The following WASF1 variants were observed in gnomAD, a reference collection of about 807,000 sequenced individuals.
WASF1 encodes actin-binding protein WASF1.
Under a neutral mutation model 50.5 loss-of-function variants are expected in WASF1, and 7 were observed. The ratio of observed to expected loss-of-function variants is 0.14; its 90% confidence interval spans 0.08 to 0.26. The LOEUF is 0.26. Among genes scored for constraint, WASF1 ranks in the 10% least tolerant of loss-of-function variants. The pLI is 1.00. For synonymous variants in WASF1, 205 were observed against 244.0 expected (o/e 0.84, Z 1.49); for missense variants, 470 against 694.7 (o/e 0.68, Z 3.64).
Position 110,179,030 on chromosome 6 carries a change from C to A in WASF1, c.-271-288G>T, listed in dbSNP as rs1241455895. 3.3e-5 allele frequency among the ~76,000 whole-genome samples: 5 copies of A among 152,380 alleles called. No homozygotes were observed. The East Asian group carries it at 9.7e-4, about 29-fold the overall frequency. ...CACGAGCTCGCTTTACCGAGCCTCG[C>A]GCACGTAGGGCGAGCAGGGGATTCT... On this transcript the variant is annotated intron_variant, in intron 1 of 10. Transcript: ENST00000392589.
intron 3 of WASF1, among the ~76,000 whole-genome samples, chr6:110,159,819 G>A (rs1215407798): frequency 6.6e-6 from 1 of 151,850 alleles, no homozygotes; most frequent in Non-Finnish European, 1.5e-5. Flanking sequence ...GTGCATTAAA[G>A]TGGTTTTAAG....
intron 3 of WASF1, among the ~76,000 whole-genome samples, chr6:110,139,530 C>T (rs1583984479): frequency 6.6e-6 from 1 of 152,364 alleles, no homozygotes. Context: ...TCCTGAATGG[C>T]TATTCCCAGC....
intron 3 of WASF1, 148 bp from the exon 4 acceptor site, chr6:110,127,777 CCT>C (rs1774481165): frequency 3.2e-6 from 2 of 632,394 alleles, no homozygotes; most frequent in Non-Finnish European, 2.3e-6. Context: ...GATTTTCTTC[CCT>C]CTCTGCCTCC....
intron 3 of WASF1, among the ~76,000 whole-genome samples, chr6:110,145,053 A>G (rs1302250732): frequency 1.3e-5 from 2 of 152,160 alleles, no homozygotes; most frequent in South Asian, 4.1e-4. Context: ...CTTGGGCAGT[A>G]TGGCCATTTT....
intron 3 of WASF1, among the ~76,000 whole-genome samples, chr6:110,136,672 G>C (rs985168523): frequency 5.9e-5 from 9 of 152,166 alleles, no homozygotes; most frequent in African/African-American, 2.2e-4. Flanking sequence ...GCATGATAGA[G>C]CTTTTCCTTT....
chr6:110,160,530 C>G (rs1224208251), intron 3 of WASF1, 105 bp downstream of exon 3: 2 of 151,716 alleles, frequency 1.3e-5, no homozygotes, highest in Non-Finnish European at 3.0e-5. Flanking sequence ...CAAGACCAGT[C>G]CACTTTTATT....
At chr6:110,152,435 A>G (rs542676413) in intron 3 of WASF1, among the ~76,000 whole-genome samples, 6 of 152,342 alleles carry the variant, frequency 3.9e-5, no homozygotes, top group African/African-American at 1.4e-4. Context: ...CTGTATTATC[A>G]AAATTCTTCT....
chr6:110,122,964 AAG>A (rs1382814530), intron 4 of WASF1, among the ~76,000 whole-genome samples: 1 of 152,150 alleles, frequency 6.6e-6, no homozygotes, highest in African/African-American at 2.4e-5. Flanking sequence ...GGGAAAAAAA[AAG>A]AGATACCCTG....
At chr6:110,105,314 T>C in intron 8 of WASF1, 93 bp downstream of exon 8, 13 of 1,271,958 alleles carry the variant, frequency 1.0e-5, no homozygotes, top group Non-Finnish European at 1.2e-5. Context: ...GGTCTGCCTG[T>C]TCAACAGTTT....
intron 3 of WASF1, among the ~76,000 whole-genome samples, chr6:110,149,830 G>T (rs1775747289): frequency 6.6e-6 from 1 of 152,098 alleles, no homozygotes; most frequent in African/African-American, 2.4e-5. Context: ...ACTGTACCCA[G>T]TATGTAGTCT....
rs61632733 is a variant in WASF1 at position 110,123,347 on chromosome 6, T to A, written c.133+4122A>T. On this transcript the variant is annotated intron_variant, in intron 4 of 10. Coordinates refer to ENST00000392589, the MANE Select transcript of WASF1 (RefSeq NM_003931.3). Reference sequence around the variant, plus strand: ...TGTTACAACTTCTGAAAAAAAAAAATCATAAATCTAAAATCACTGTATTCC... The same window carrying A: ...TGTTACAACTTCTGAAAAAAAAAAAACATAAATCTAAAATCACTGTATTCC... Among the ~76,000 whole-genome samples, 350 of 151,756 alleles carry A rather than the reference T, an allele frequency of 2.3e-3. 1 individual carries two copies. The highest frequency in any genetic ancestry group is 8.2e-3 in the African/African-American group (338 of 41,390).
intron 4 of WASF1, among the ~76,000 whole-genome samples, chr6:110,119,903 C>T (rs1054246813): frequency 6.6e-6 from 1 of 152,146 alleles, no homozygotes; most frequent in Non-Finnish European, 1.5e-5. Flanking sequence ...AATCAATAAA[C>T]GTAATCCATC....
intron 3 of WASF1, among the ~76,000 whole-genome samples, chr6:110,131,864 T>C (rs1476544497): frequency 6.6e-6 from 1 of 152,220 alleles, no homozygotes; most frequent in Non-Finnish European, 1.5e-5. Flanking sequence ...AAAAATATTG[T>C]TTATTCTTGA....
At chr6:110,117,058 G>A (rs750867983) in intron 4 of WASF1, among the ~76,000 whole-genome samples, 68 of 149,318 alleles carry the variant, frequency 4.6e-4, no homozygotes, top group Admixed American at 3.3e-4. Context: ...GGAGAAACCA[G>A]AGCAGAAAAG....
chr6:110,141,593 T>C (rs749278914), intron 3 of WASF1, among the ~76,000 whole-genome samples: 1 of 152,166 alleles, frequency 6.6e-6, no homozygotes, highest in Non-Finnish European at 1.5e-5. Flanking sequence ...ATGTCAGCTT[T>C]TAGAAGGCAA....
At chr6:110,177,134 C>G (rs918203007) in intron 2 of WASF1, 1 of 151,912 alleles carries the variant, frequency 6.6e-6, no homozygotes, top group African/African-American at 2.4e-5. Context: ...AATAAAGTAA[C>G]TCTATAGCAT....
At chr6:110,130,828 G>C (rs540495711) in intron 3 of WASF1, among the ~76,000 whole-genome samples, 14 of 152,314 alleles carry the variant, frequency 9.2e-5, no homozygotes, top group African/African-American at 3.1e-4. Flanking sequence ...CAGTTAAGAG[G>C]CTGCTGCTCC....
intron 3 of WASF1, among the ~76,000 whole-genome samples, chr6:110,131,307 G>A (rs77920101): frequency 0.034 from 5,141 of 152,122 alleles, 99 homozygotes; most frequent in Middle Eastern, 0.051. Context: ...AACTGATGTG[G>A]AATTAATTTT....
chr6:110,140,058 G>C (rs2114549387), intron 3 of WASF1, among the ~76,000 whole-genome samples: 1 of 152,204 alleles, frequency 6.6e-6, no homozygotes, highest in South Asian at 2.1e-4. Context: ...GATTGGGGCT[G>C]GTCACCTGAA....
Sources: gnomAD v4.1 joint callset for allele counts (sites outside exome capture counted in the v4.1 genomes callset) on GRCh38, gnomAD v4.1.1 for gene constraint, MANE v1.5 for transcripts, NCBI Gene and HGNC (gene_info 2026-07-23, HGNC 2026-07-21) for gene names.